DOK5: variants seen among roughly 807,000 people sequenced by gnomAD.
DOK5 encodes the protein docking protein 5.
DOK5 carries 27 observed loss-of-function variants against 43.3 expected under a neutral mutation model. That is an observed-to-expected ratio of 0.62 (90% CI 0.46 to 0.86). DOK5 has a LOEUF of 0.86. DOK5 is among the 40% of genes least tolerant of loss of function. The pLI is 0.00. For missense variants in DOK5, 373 were observed against 392.9 expected, an observed-to-expected ratio of 0.95 and a Z score of 0.43; for synonymous variants, 146 against 140.1, an observed-to-expected ratio of 1.04 and a Z score of -0.30.
At chr20:54,584,003 A>T (rs1000046173) in intron 2 of DOK5, among the ~76,000 whole-genome samples, 43 of 151,454 alleles carry the variant, frequency 2.8e-4, no homozygotes, top group African/African-American at 1.0e-3. Context: ...AAAAAAAATT[A>T]GTCGAGCACG....
intron 2 of DOK5, among the ~76,000 whole-genome samples, chr20:54,579,733 C>G (rs1985575177): frequency 6.6e-6 from 1 of 151,956 alleles, no homozygotes; most frequent in Admixed American, 6.6e-5. Flanking sequence ...GACAGAATTT[C>G]CTTCTTTTTT....
chr20:54,491,414 G>T (rs1982171379), intron 1 of DOK5, among the ~76,000 whole-genome samples: 1 of 152,186 alleles, frequency 6.6e-6, no homozygotes, highest in Non-Finnish European at 1.5e-5. Flanking sequence ...CAAAAGGTTT[G>T]TGGAATTCTA....
chr20:54,555,184 C>T, intron 2 of DOK5, 144 bp downstream of exon 2: 1 of 609,792 alleles, frequency 1.6e-6, no homozygotes, highest in Non-Finnish European at 2.9e-6. Context: ...ATAACATCTG[C>T]TTGCTAATTG....
At chr20:54,616,606 C>A (rs1293088813) in intron 6 of DOK5, among the ~76,000 whole-genome samples, 6 of 152,012 alleles carry the variant, frequency 3.9e-5, no homozygotes, top group Admixed American at 2.0e-4. Flanking sequence ...ACAAACTATG[C>A]ACCATTAAAA....
rs1424487384 is a variant in DOK5 at position 54,475,719 on chromosome 20, G to T, written c.-228G>T. The T allele has an allele frequency of 5.1e-6, 3 of 588,742 alleles. No homozygotes were observed. The highest frequency in any genetic ancestry group is 8.8e-6 in the Non-Finnish European group (3 of 342,370). The allele number at this position is 588,742 out of a possible 1,614,324, so 36.5% of individuals were successfully genotyped here. A position where few individuals can be genotyped will look rare whatever the true frequency, so the allele number is the denominator to read the frequency against. ...CGCTCCAGCCTCGCCTCCCCGCGCC[G>T]CGCTCTGCGCTCCCCGAAAGTGGCT... is the stretch of plus-strand genomic sequence containing the variant. On this transcript the variant is annotated 5_prime_UTR_variant, in exon 1 of 8. Coordinates refer to ENST00000262593, the MANE Select transcript of DOK5 (RefSeq NM_018431.5). The surrounding 1 kb of genome is among the most constrained non-coding windows in gnomAD (Gnocchi z 4.2).
intron 5 of DOK5, among the ~76,000 whole-genome samples, chr20:54,596,165 T>A (rs1051954230): frequency 6.6e-6 from 1 of 152,252 alleles, no homozygotes; most frequent in African/African-American, 2.4e-5. Context: ...AGATCATTCG[T>A]GTTCCACACC....
At chr20:54,575,656 G>A (rs961971335) in intron 2 of DOK5, among the ~76,000 whole-genome samples, 3 of 152,174 alleles carry the variant, frequency 2.0e-5, no homozygotes, top group African/African-American at 4.8e-5. Context: ...GGCCAGGCTG[G>A]TCTCAGACTC....
intron 1 of DOK5, among the ~76,000 whole-genome samples, chr20:54,504,319 A>G (rs1488935616): frequency 6.6e-6 from 1 of 152,252 alleles, no homozygotes; most frequent in Non-Finnish European, 1.5e-5. Context: ...CTGAGCTGAT[A>G]TAATACAAAT....
intron 1 of DOK5, among the ~76,000 whole-genome samples, chr20:54,530,562 A>G (rs1027326479): frequency 2.1e-4 from 32 of 152,248 alleles, no homozygotes; most frequent in Admixed American, 9.8e-4. Flanking sequence ...TCTACTTCCC[A>G]TGACCTGTCT....
At chr20:54,579,467 TTACATG>T (rs1390664554) in intron 2 of DOK5, among the ~76,000 whole-genome samples, 1 of 152,118 alleles carries the variant, frequency 6.6e-6, no homozygotes, top group African/African-American at 2.4e-5. Context: ...GTATTGTTAA[TTACATG>T]TACATTGTTT....
chr20:54,620,670 C>T (rs940729710), intron 6 of DOK5, among the ~76,000 whole-genome samples: 4 of 152,232 alleles, frequency 2.6e-5, no homozygotes, highest in Admixed American at 2.6e-4. Context: ...GAAATTAAAT[C>T]CACACATCTT....
At chr20:54,481,131 C>CATCT (rs58563329) in intron 1 of DOK5, among the ~76,000 whole-genome samples, 7,079 of 139,270 alleles carry the variant, frequency 0.051, 200 homozygotes, top group Non-Finnish European at 0.057. Flanking sequence ...ATGTATCTAT[C>CATCT]ATCTATCTAT....
intron 7 of DOK5, among the ~76,000 whole-genome samples, chr20:54,647,973 T>C (rs1367756147): frequency 6.6e-6 from 1 of 152,184 alleles, no homozygotes; most frequent in African/African-American, 2.4e-5. Flanking sequence ...GGGGTCTTTC[T>C]AAAAGCTACT....
intron 2 of DOK5, among the ~76,000 whole-genome samples, chr20:54,572,869 T>G (rs1985335625): frequency 6.6e-6 from 1 of 152,212 alleles, no homozygotes; most frequent in Admixed American, 6.5e-5. Context: ...TCACTGTGCC[T>G]CTCAGCCTTC....
chr20:54,476,413 T>G (rs961608652), intron 1 of DOK5, among the ~76,000 whole-genome samples: 1 of 151,960 alleles, frequency 6.6e-6, no homozygotes, highest in South Asian at 2.1e-4. Context: ...GATCGGCTGG[T>G]TGAGAAAGAG....
intron 1 of DOK5, among the ~76,000 whole-genome samples, chr20:54,535,193 C>T (rs1255980727): frequency 6.6e-6 from 1 of 152,160 alleles, no homozygotes; most frequent in Non-Finnish European, 1.5e-5. Flanking sequence ...TCTATGGCCA[C>T]CCAGGTTTCC....
chr20:54,553,894 CTCAAAAAA>C (rs1984622867), intron 1 of DOK5, among the ~76,000 whole-genome samples: 1 of 94,318 alleles, frequency 1.1e-5, no homozygotes, highest in African/African-American at 7.3e-5. Flanking sequence ...AAGACTCTGT[CTCAAAAAA>C]AAAAAAAAAA....
chr20:54,623,985 A>G (rs2146808727), intron 6 of DOK5, among the ~76,000 whole-genome samples: 1 of 152,308 alleles, frequency 6.6e-6, no homozygotes, highest in Non-Finnish European at 1.5e-5. Context: ...AATTTGAATG[A>G]TGGAGCCGAG....
intron 1 of DOK5, among the ~76,000 whole-genome samples, chr20:54,543,952 A>C (rs1984254161): frequency 1.3e-5 from 2 of 152,128 alleles, no homozygotes; most frequent in Non-Finnish European, 2.9e-5. Flanking sequence ...TTATTTCCTC[A>C]AAGGGAAGTT....
Sources: gnomAD v4.1 joint callset for allele counts (sites outside exome capture counted in the v4.1 genomes callset) on GRCh38, gnomAD v4.1.1 for gene constraint, Gnocchi (gnomAD v3.1) non-coding constraint, MANE v1.5 for transcripts, NCBI Gene and HGNC (gene_info 2026-07-23, HGNC 2026-07-21) for gene names.